DAB1: variants seen among roughly 807,000 people sequenced by gnomAD.
DAB1 encodes DAB adaptor protein 1, also known as disabled homolog 1.
A neutral mutation model predicts 64.6 loss-of-function variants in DAB1; 15 were observed. That is an observed-to-expected ratio of 0.23 (90% CI 0.16 to 0.36). The LOEUF is 0.36. DAB1 is among the 10% of genes least tolerant of loss of function. The pLI, the probability that DAB1 is intolerant of heterozygous loss-of-function variation, is 1.00. For synonymous variants in DAB1, 235 were observed against 251.9 expected (o/e 0.93, Z 0.64); for missense variants, 596 against 706.7 (o/e 0.84, Z 1.78).
chr1:57,595,844 G>C (rs767302895), intron 7 of DAB1, among the ~76,000 whole-genome samples: 38 of 152,096 alleles, frequency 2.5e-4, no homozygotes, highest in Non-Finnish European at 4.6e-4. Flanking sequence ...CATGTAGGAT[G>C]TGCCTGCTTC....
chr1:57,585,735 C>A (rs1302970982), intron 7 of DAB1, among the ~76,000 whole-genome samples: 1 of 152,166 alleles, frequency 6.6e-6, no homozygotes, highest in Non-Finnish European at 1.5e-5. Context: ...TCATCCAGCA[C>A]CACACAAAGC....
intron 5 of DAB1, among the ~76,000 whole-genome samples, chr1:58,015,870 G>C (rs756019864): frequency 6.6e-6 from 1 of 152,112 alleles, no homozygotes; most frequent in East Asian, 1.9e-4. Context: ...AGATACAAAC[G>C]GAAGCTGGGA....
At chr1:58,487,183 G>A (rs756965256) in intron 3 of DAB1, among the ~76,000 whole-genome samples, 1 of 152,208 alleles carries the variant, frequency 6.6e-6, no homozygotes, top group Non-Finnish European at 1.5e-5. Context: ...GAGCAGTGGC[G>A]AAGTTGAGAA....
chr1:57,043,181 C>A (rs1207460673), intron 9 of DAB1, among the ~76,000 whole-genome samples: 1 of 152,190 alleles, frequency 6.6e-6, no homozygotes, highest in Non-Finnish European at 1.5e-5. Flanking sequence ...TCGCCAATAT[C>A]TGATCAGGAC....
At position 58,433,592 on chromosome 1, in the gene DAB1, A is replaced by T. The variant is rs1010641447; in HGVS notation, n.257+72468T>A. 4.4e-3 allele frequency among the ~76,000 whole-genome samples: 447 copies of T among 100,646 alleles called. 4 individuals carry two copies. Among genetic ancestry groups the T allele is most frequent in the African/African-American group, 8.2e-3 (177 of 21,580 alleles). The allele number at this position is 100,646 out of a possible 152,430, so 66.0% of individuals were successfully genotyped here. On this transcript the variant is annotated intron_variant and non_coding_transcript_variant, in intron 3 of 20. Coordinates refer to the DAB1 transcript ENST00000485760. ...AAGAGAGAGAGAGAGAGAGAGAGAG[A>T]GAGAGTGTGTGTGTGTGTGTGTGTG...
intron 7 of DAB1, among the ~76,000 whole-genome samples, chr1:57,596,335 A>T (rs1008991910): frequency 6.6e-6 from 1 of 152,144 alleles, no homozygotes; most frequent in Admixed American, 6.5e-5. Flanking sequence ...CCTGGGGAAG[A>T]TTTCTCTGTA....
chr1:57,165,605 C>T (rs1331928828), intron 2 of DAB1, among the ~76,000 whole-genome samples: 2 of 152,190 alleles, frequency 1.3e-5, no homozygotes, highest in Non-Finnish European at 2.9e-5. Flanking sequence ...ACATACATTA[C>T]TTTTCATTTA....
At chr1:57,764,688 T>G (rs982865866) in intron 6 of DAB1, among the ~76,000 whole-genome samples, 2 of 152,222 alleles carry the variant, frequency 1.3e-5, no homozygotes, top group African/African-American at 4.8e-5. Flanking sequence ...GGTATTTAAC[T>G]TTCTTTTCCT....
chr1:57,076,282 G>A (rs1651983028), intron 4 of DAB1, among the ~76,000 whole-genome samples: 1 of 152,182 alleles, frequency 6.6e-6, no homozygotes, highest in Non-Finnish European at 1.5e-5. Flanking sequence ...GTGAAGGAAA[G>A]GCAGATGCTG....
intron 1 of DAB1, among the ~76,000 whole-genome samples, chr1:57,421,922 G>T (rs1482684743): frequency 1.6e-5 from 2 of 128,578 alleles, no homozygotes; most frequent in Non-Finnish European, 3.4e-5. Flanking sequence ...GGTGGCGGGG[G>T]GGGGTGCCTA....
intron 2 of DAB1, among the ~76,000 whole-genome samples, chr1:57,284,687 T>G (rs1345220505): frequency 2.0e-5 from 3 of 152,292 alleles, no homozygotes; most frequent in African/African-American, 7.2e-5. Context: ...TAAAAGATCA[T>G]TCTCTCAGGA....
At chr1:57,070,259 T>G (rs890879916) in intron 7 of DAB1, among the ~76,000 whole-genome samples, 3 of 152,176 alleles carry the variant, frequency 2.0e-5, no homozygotes, top group Non-Finnish European at 4.4e-5. Context: ...ATGCATCCAG[T>G]TAGAAGTGTA....
At chr1:57,049,269 G>A (rs1264055934) in intron 9 of DAB1, among the ~76,000 whole-genome samples, 1 of 151,422 alleles carries the variant, frequency 6.6e-6, no homozygotes, top group African/African-American at 2.4e-5. Context: ...CTAACACGGT[G>A]AAACCCTGTC....
At chr1:57,429,784 G>A (rs540260035) in intron 7 of DAB1, among the ~76,000 whole-genome samples, 1 of 152,268 alleles carries the variant, frequency 6.6e-6, no homozygotes, top group Non-Finnish European at 1.5e-5. Context: ...CTTTACCAAA[G>A]ATTAGTTGAT....
chr1:58,251,664 G>A (rs1448374694), intron 4 of DAB1, among the ~76,000 whole-genome samples: 4 of 152,216 alleles, frequency 2.6e-5, no homozygotes, highest in Non-Finnish European at 4.4e-5. Flanking sequence ...GGTGACACGA[G>A]ATGAGGTGGA....
chr1:58,208,719 T>G (rs1446373600), intron 4 of DAB1, among the ~76,000 whole-genome samples: 2 of 152,192 alleles, frequency 1.3e-5, no homozygotes, highest in African/African-American at 2.4e-5. Context: ...GTTCCATGCT[T>G]TTGCAATTGT....
In DAB1 at chr1:57,233,746, G is replaced by A. The variant is rs374891518; in HGVS notation, c.67+57218C>T. On this transcript the variant is annotated intron_variant, in intron 2 of 14. Coordinates refer to ENST00000371236, the MANE Select transcript of DAB1 (RefSeq NM_001365792.1). ...TGCACTCCAGCCTGGGCGACAGAGCGAGCCTCTGTCTCAAAAAAAATAAAA... is the reference window on the plus strand; with the variant it reads ...TGCACTCCAGCCTGGGCGACAGAGCAAGCCTCTGTCTCAAAAAAAATAAAA... Among the ~76,000 whole-genome samples, 83 of 151,596 alleles carry A rather than the reference G, an allele frequency of 5.5e-4. 1 individual carries two copies. The South Asian group carries it at 0.014, about 25-fold the overall frequency.
At chr1:57,844,535 C>T (rs1027578025) in intron 1 of DAB1, among the ~76,000 whole-genome samples, 1 of 152,162 alleles carries the variant, frequency 6.6e-6, no homozygotes, top group Admixed American at 6.6e-5. Context: ...AAGACGTCTG[C>T]CAGAGTGATT....
At chr1:57,913,064 G>C (rs1436035264) in intron 5 of DAB1, among the ~76,000 whole-genome samples, 3 of 152,160 alleles carry the variant, frequency 2.0e-5, no homozygotes, top group African/African-American at 4.8e-5. Context: ...AGCTACCAAT[G>C]ACTTTCTTCA....
Sources: allele counts gnomAD v4.1 joint callset (sites outside exome capture counted in the v4.1 genomes callset), GRCh38; gene constraint gnomAD v4.1.1; transcripts MANE v1.5; gene names NCBI Gene and HGNC (gene_info 2026-07-23, HGNC 2026-07-21).